Variants in KIF21A observed in about 807,000 individuals in gnomAD.
KIF21A encodes kinesin family member 21A, also known as kinesin-like protein KIF21A.
Under a neutral mutation model 202.9 loss-of-function variants are expected in KIF21A, and 114 were observed. That is an observed-to-expected ratio of 0.56 (90% CI 0.48 to 0.66). The LOEUF (loss-of-function observed/expected upper bound fraction) is 0.66. Ranked by LOEUF, KIF21A falls within the 30% of genes least tolerant of loss-of-function variation. KIF21A has a pLI of 0.00. For synonymous variants in KIF21A, 667 were observed against 670.8 expected (o/e 0.99, Z 0.09); for missense variants, 1,677 against 1,994.9 (o/e 0.84, Z 3.04).
At position 39,366,405 on chromosome 12, in the gene KIF21A, C is replaced by T. The variant is rs758156089; in HGVS notation, c.848G>A (p.Arg283His). Residue 283 changes from arginine (R) to histidine (H), a missense_variant, in exon 6 of 38, where the codon CGT (arginine) becomes CAT (histidine). Arg to His is a conservative substitution (Grantham distance 29). Coordinates refer to ENST00000361418, the MANE Select transcript of KIF21A (RefSeq NM_001173464.2). Reference sequence around the variant, plus strand: ...TGCCCTCTCGCCTGTAGCTCCAGTACGCTTCAGTCTTTCAGATCCTGCGAG... The same window carrying T: ...TGCCCTCTCGCCTGTAGCTCCAGTATGCTTCAGTCTTTCAGATCCTGCGAG... The part of the protein sequence containing the change: ...VDLAGSERLK[R>H]TGATGERAKE... 2.5e-6 allele frequency: 4 copies of T among 1,613,870 alleles called. No homozygotes were observed. Among genetic ancestry groups the T allele is most frequent in the South Asian group, 2.2e-5 (2 of 91,068 alleles).
rs576460959 is a variant in KIF21A at position 39,347,642 on chromosome 12, C to T, written c.1674-1138G>A. Reference sequence around the variant, plus strand: ...ATTGTTTTCACATCAACTTATATGCCGCCATTATAAGACGAGACTAGCAAT... The same window carrying T: ...ATTGTTTTCACATCAACTTATATGCTGCCATTATAAGACGAGACTAGCAAT... On this transcript the variant is annotated intron_variant, in intron 11 of 37. Coordinates refer to ENST00000361418, the MANE Select transcript of KIF21A (RefSeq NM_001173464.2). Among the ~76,000 whole-genome samples the T allele has an allele frequency of 5.3e-5, 8 of 151,988 alleles. No individual in the cohort carries two copies. In the South Asian group the frequency reaches 1.5e-3, roughly 28 times the overall value.
intron 31 of KIF21A, among the ~76,000 whole-genome samples, chr12:39,314,055 A>G (rs1014356919): frequency 1.3e-5 from 2 of 151,810 alleles, no homozygotes; most frequent in Non-Finnish European, 3.0e-5. Context: ...ATATAAAATT[A>G]ATTCTGGTAA....
At chr12:39,430,370 A>G (rs575591075) in intron 1 of KIF21A, among the ~76,000 whole-genome samples, 2 of 152,152 alleles carry the variant, frequency 1.3e-5, no homozygotes, top group African/African-American at 4.8e-5. Context: ...GTTCAAAACC[A>G]GCCTGGCCAA....
intron 1 of KIF21A, among the ~76,000 whole-genome samples, chr12:39,434,351 T>G (rs1938384314): frequency 6.6e-6 from 1 of 152,358 alleles, no homozygotes; most frequent in South Asian, 2.1e-4. Flanking sequence ...TAATCACTTC[T>G]TAGGCTCCAC....
At chr12:39,394,520 C>T (rs1489381064) in intron 1 of KIF21A, among the ~76,000 whole-genome samples, 1 of 152,190 alleles carries the variant, frequency 6.6e-6, no homozygotes, top group Non-Finnish European at 1.5e-5. Context: ...TACATTAGTT[C>T]CAATCTTAAG....
intron 1 of KIF21A, among the ~76,000 whole-genome samples, chr12:39,378,438 G>A (rs915285777): frequency 6.6e-6 from 1 of 152,198 alleles, no homozygotes; most frequent in African/African-American, 2.4e-5. Context: ...ATGCATCACT[G>A]TAATTAATTC....
chr12:39,425,165 T>G (rs2140278578), intron 1 of KIF21A, among the ~76,000 whole-genome samples: 1 of 152,280 alleles, frequency 6.6e-6, no homozygotes, highest in Non-Finnish European at 1.5e-5. Flanking sequence ...AAATGACTCC[T>G]CCCAACCAAG....
At chr12:39,381,284 G>A (rs1029014305) in intron 1 of KIF21A, among the ~76,000 whole-genome samples, 2 of 146,082 alleles carry the variant, frequency 1.4e-5, no homozygotes, top group African/African-American at 5.1e-5. Flanking sequence ...TCCAGCCTGG[G>A]CAACTGAGCG....
chr12:39,392,287 CAAG>C (rs895522519), intron 1 of KIF21A, among the ~76,000 whole-genome samples: 2 of 152,094 alleles, frequency 1.3e-5, no homozygotes, highest in Non-Finnish European at 2.9e-5. Flanking sequence ...GAAAGAGTGA[CAAG>C]AAGATTGTGA....
chr12:39,373,559 A>G (rs1344253301), intron 1 of KIF21A, among the ~76,000 whole-genome samples: 1 of 152,222 alleles, frequency 6.6e-6, no homozygotes, highest in East Asian at 1.9e-4. Context: ...AATAATAAAG[A>G]TAAAAATAAT....
chr12:39,300,099 T>TA (rs1717959934), intron 37 of KIF21A, among the ~76,000 whole-genome samples: 1 of 151,890 alleles, frequency 6.6e-6, no homozygotes, highest in Non-Finnish European at 1.5e-5. Context: ...CCCCTGAACC[T>TA]AAAATAAAAG....
chr12:39,296,172 C>A (rs1942342468), intron 37 of KIF21A, among the ~76,000 whole-genome samples: 1 of 149,448 alleles, frequency 6.7e-6, no homozygotes, highest in African/African-American at 2.5e-5. Flanking sequence ...GGGTTCAGGG[C>A]ATTCTCCTGC....
rs1219841240 is a variant in KIF21A, at chr12:39,403,559, T to C, written c.45-33298A>G. 3.3e-5 allele frequency among the ~76,000 whole-genome samples: 5 copies of C among 152,212 alleles called. No homozygotes were observed. The South Asian group carries it at 1.0e-3, about 32-fold the overall frequency. The stretch of plus-strand genomic sequence containing the variant: ...GAATCTCAGCTGTTTATTAGCTACA[T>C]GACCTAGGGCAGGTTACTTAACTTT... On this transcript the variant is annotated intron_variant, in intron 1 of 37. Coordinates refer to ENST00000361418, the MANE Select transcript of KIF21A (RefSeq NM_001173464.2).
chr12:39,302,966 TGAA>T lies in KIF21A; in HGVS notation c.4727_4729del (p.Leu1576del), dbSNP rs750013668. Reference sequence around the variant, plus strand: ...TACCATGAAAAGGTTCTGCATTACCTGAAGAAGGTCTTTTTGAGTTAAGTCCCA... The same window carrying T: ...TACCATGAAAAGGTTCTGCATTACCTGAAGGTCTTTTTGAGTTAAGTCCCA... On this transcript the variant is annotated inframe_deletion and splice_region_variant, in exon 36 of 38. Coordinates refer to ENST00000361418, the MANE Select transcript of KIF21A (RefSeq NM_001173464.2). 1 of 1,613,542 alleles carries T rather than the reference TGAA, an allele frequency of 6.2e-7. No individual in the cohort carries two copies. The highest frequency in any genetic ancestry group is 8.5e-7 in the Non-Finnish European group (1 of 1,179,592).
intron 1 of KIF21A, among the ~76,000 whole-genome samples, chr12:39,426,384 T>C (rs886187946): frequency 6.6e-6 from 1 of 152,190 alleles, no homozygotes; most frequent in Non-Finnish European, 1.5e-5. Context: ...CGTCAATAAA[T>C]ATTTGCATTT....
intron 1 of KIF21A, among the ~76,000 whole-genome samples, chr12:39,375,735 C>G (rs556247969): frequency 1.1e-4 from 17 of 152,072 alleles, no homozygotes; most frequent in Non-Finnish European, 2.5e-4. Context: ...ATTTATGATA[C>G]AGTAATGGGT....
At chr12:39,366,225 G>T in intron 6 of KIF21A, 125 bp downstream of exon 6, 3 of 818,222 alleles carry the variant, frequency 3.7e-6, no homozygotes, top group Non-Finnish European at 6.1e-6. Flanking sequence ...ACTAATAACT[G>T]TTCTATAATT....
At chr12:39,411,627 A>G (rs1047765153) in intron 1 of KIF21A, among the ~76,000 whole-genome samples, 2 of 152,198 alleles carry the variant, frequency 1.3e-5, no homozygotes, top group African/African-American at 4.8e-5. Context: ...CCTGGGCTCA[A>G]GTGGCCCTCT....
chr12:39,331,360 A>G (rs774043878), intron 22 of KIF21A, among the ~76,000 whole-genome samples: 2 of 152,192 alleles, frequency 1.3e-5, no homozygotes, highest in Non-Finnish European at 2.9e-5. Flanking sequence ...ATCTGTAAAG[A>G]ATCAATGTTA....
Sources: gnomAD v4.1 joint callset for allele counts (sites outside exome capture counted in the v4.1 genomes callset) on GRCh38, gnomAD v4.1.1 for gene constraint, MANE v1.5 for transcripts, NCBI Gene and HGNC (gene_info 2026-07-23, HGNC 2026-07-21) for gene names.